NLRP9: variants seen among roughly 807,000 people sequenced by gnomAD.
The protein encoded by NLRP9 is NACHT, LRR and PYD domains-containing protein 9.
A neutral mutation model predicts 83.1 loss-of-function variants in NLRP9; 88 were observed. That is an observed-to-expected ratio of 1.06 (90% confidence interval 0.89 to 1.26). The LOEUF (loss-of-function observed/expected upper bound fraction) is 1.26. Ranked by LOEUF, NLRP9 falls within the 50% of genes most tolerant of loss-of-function variation. NLRP9 has a pLI of 0.00. For synonymous variants in NLRP9, 521 were observed against 447.6 expected (o/e 1.16, Z -2.07); for missense variants, 1,308 against 1,179.3 (o/e 1.11, Z -1.60).
chr19:55,718,667 A>T (rs568004176), intron 4 of NLRP9, among the ~76,000 whole-genome samples: 43 of 152,350 alleles, frequency 2.8e-4, no homozygotes, highest in South Asian at 6.2e-4. Flanking sequence ...CCTGTTGCCC[A>T]GCCACATTCC....
At chr19:55,711,680 C>G (rs753348893) in intron 8 of NLRP9, 120 bp downstream of exon 8, 1 of 990,040 alleles carries the variant, frequency 1.0e-6, no homozygotes, top group Non-Finnish European at 1.5e-6. Context: ...GGCCCAAGGA[C>G]AGGCCCCCAC....
At chr19:55,737,835 T>C (rs1341803604) in intron 1 of NLRP9, among the ~76,000 whole-genome samples, 1 of 149,232 alleles carries the variant, frequency 6.7e-6, no homozygotes, top group African/African-American at 2.5e-5. Context: ...ACTCATCTCC[T>C]ATAACAACGA....
intron 8 of NLRP9, chr19:55,709,735 G>T (rs984055991): frequency 6.6e-6 from 1 of 152,044 alleles, no homozygotes; most frequent in East Asian, 1.9e-4. Flanking sequence ...TACTGGACAC[G>T]ACTTCCTCCT....
At chr19:55,731,248 A>G (rs1988559325) in intron 2 of NLRP9, among the ~76,000 whole-genome samples, 1 of 152,134 alleles carries the variant, frequency 6.6e-6, no homozygotes, top group Non-Finnish European at 1.5e-5. Context: ...GAAAAAATGC[A>G]GAGGAAACAA....
At chr19:55,734,351 G>C (rs138275069) in intron 1 of NLRP9, among the ~76,000 whole-genome samples, 1 of 98,472 alleles carries the variant, frequency 1.0e-5, no homozygotes, top group African/African-American at 4.2e-5. Context: ...GCAACAGCCT[G>C]ACACTCTATC....
chr19:55,710,264 C>G (rs1987656391), intron 8 of NLRP9, among the ~76,000 whole-genome samples: 1 of 152,084 alleles, frequency 6.6e-6, no homozygotes, highest in Non-Finnish European at 1.5e-5. Flanking sequence ...TGGCCTGTCC[C>G]TATGGGGACT....
rs1278071446 is a variant in NLRP9 at position 55,711,741 on chromosome 19, G to A, written c.2843+59C>T. The stretch of plus-strand genomic sequence containing the variant: ...CCATCATGTCGCGGTTGAGCAAATG[G>A]CCAATGAACTAAGCTCGTTCTGAAG... On this transcript the variant is annotated intron_variant, in intron 8 of 8. Coordinates refer to ENST00000332836, the MANE Select transcript of NLRP9 (RefSeq NM_176820.4). 7 of 1,536,688 alleles carry A rather than the reference G, an allele frequency of 4.6e-6. 1 individual carries two copies. The Middle Eastern group carries it at 5.1e-4, about 113-fold the overall frequency.
Position 55,712,565 on chromosome 19 carries a change from CG to C in NLRP9, c.2526del (p.Asp843IlefsTer16), listed in dbSNP as rs1987780472. ...ELWLMGCFLTSDSCKDIAAVL... is the reference protein window; with the variant it reads ...ELWLMGCFLTXDSCKDIAAVL... ...ACAGCAGCAATGTCCTTACAGGAAT[CG>C]GAAGTAAGGAAACAGCCCATCAACC... On this transcript the variant is annotated frameshift_variant, in exon 7 of 9. Transcript: ENST00000332836. LOFTEE classifies it high-confidence loss of function. 1.2e-6 allele frequency: 2 copies of C among 1,612,124 alleles called. No individual in the cohort carries two copies. Among genetic ancestry groups the C allele is most frequent in the South Asian group, 1.1e-5 (1 of 91,038 alleles).
Position 55,716,868 on chromosome 19 carries a change from A to G in NLRP9, c.2190T>C (p.Val730=). 1 of 1,613,810 alleles carries G rather than the reference A, an allele frequency of 6.2e-7. No individual in the cohort carries two copies. The highest frequency in any genetic ancestry group is 1.1e-5 in the South Asian group (1 of 91,078). The change falls in exon 5 of 9, where the codon GTT becomes GTC. Residue 730 remains valine, a synonymous_variant. Coordinates refer to ENST00000332836, the MANE Select transcript of NLRP9 (RefSeq NM_176820.4). ...ILGKCDISSE[V]CEDIASVLAC... Reference sequence around the variant, plus strand: ...CCAGGACGGAGGCGATGTCTTCACAAACTTCACTGGAGATGTCACACTTTC... The same window carrying G: ...CCAGGACGGAGGCGATGTCTTCACAGACTTCACTGGAGATGTCACACTTTC...
Position 55,711,881 on chromosome 19 carries a change from T to G in NLRP9, c.2762A>C (p.Asp921Ala). The change falls in exon 8 of 9, where the codon GAC (aspartate) becomes GCC (alanine). Residue 921 changes from aspartate to alanine, a missense_variant. By Grantham distance (126) the Asp-to-Ala change is moderately radical. Coordinates refer to ENST00000332836, the MANE Select transcript of NLRP9 (RefSeq NM_176820.4). ...ACKTLRSLNLDWIALDADAVV... is the reference protein window; with the variant it reads ...ACKTLRSLNLAWIALDADAVV... Reference sequence around the variant, plus strand: ...TGCATCAGCATCCAAGGCAATCCAGTCGAGGTTCAGGCTCCTCAGTGTTTT... The same window carrying G: ...TGCATCAGCATCCAAGGCAATCCAGGCGAGGTTCAGGCTCCTCAGTGTTTT... 1 of 1,613,350 alleles carries G rather than the reference T, an allele frequency of 6.2e-7. No homozygotes were observed. Among genetic ancestry groups the G allele is most frequent in the Non-Finnish European group, 8.5e-7 (1 of 1,179,952 alleles).
At chr19:55,716,636 C>T (rs1988024295) in intron 5 of NLRP9, 92 bp downstream of exon 5, 2 of 1,027,466 alleles carry the variant, frequency 1.9e-6, no homozygotes, top group South Asian at 1.4e-5. Flanking sequence ...TTCTGCTGCA[C>T]CCCTCAGTGA....
rs192009628 is a variant in NLRP9 at position 55,730,825 on chromosome 19, G to C, written c.1833-833C>G. The stretch of plus-strand genomic sequence containing the variant: ...TAGTGGATATCGGGCTTGATACCTG[G>C]GTGATGGGATGCTCTGCCCAGCAAA... On this transcript the variant is annotated intron_variant, in intron 2 of 8. Transcript: ENST00000332836. Among the ~76,000 whole-genome samples, 388 of 152,128 alleles carry C rather than the reference G, an allele frequency of 2.6e-3. 1 individual carries two copies. Among genetic ancestry groups the C allele is most frequent in the African/African-American group, 8.7e-3 (361 of 41,508 alleles).
intron 7 of NLRP9, 100 bp from the exon 8 acceptor site, chr19:55,712,070 T>G (rs1987754817): frequency 3.3e-6 from 4 of 1,214,592 alleles, no homozygotes; most frequent in Middle Eastern, 1.9e-4. Context: ...GGCAGGACGC[T>G]CTGCTGTCTA....
chr19:55,711,817 A>T lies in NLRP9; in HGVS notation c.2826T>A (p.Cys942Ter). 6.2e-7 allele frequency: 1 copy of T among 1,613,268 alleles called. No individual in the cohort carries two copies. The highest frequency in any genetic ancestry group is 8.5e-7 in the Non-Finnish European group (1 of 1,179,916). ...CCACTCACCCCAGCATCTGCAGGGC[A>T]CAGTCCGGGTGGCTCAATGCCTCAC... ...VLCEALSHPD[C>*]ALQMLGLHKS... is the part of the protein sequence containing the mutation. Residue 942 changes from cysteine (C) to a stop codon, truncating the protein, a stop_gained, in exon 8 of 9, where the codon TGT (cysteine) becomes TGA (stop). Transcript: ENST00000332836. LOFTEE classifies it low-confidence loss of function (END_TRUNC).
At chr19:55,709,078 T>A (rs2287831) in intron 8 of NLRP9, 34 bp from the exon 9 acceptor site, 1 of 1,524,618 alleles carries the variant, frequency 6.6e-7, no homozygotes, top group Admixed American at 2.4e-5. Context: ...TTTTTTTTGT[T>A]TTTCATTTTT....
chr19:55,735,187 C>A (rs1419861505), intron 1 of NLRP9, among the ~76,000 whole-genome samples: 1 of 152,260 alleles, frequency 6.6e-6, no homozygotes, highest in Non-Finnish European at 1.5e-5. Flanking sequence ...ACAGCATCCA[C>A]TTTATTCTCC....
chr19:55,730,759 G>T (rs2122327313), intron 2 of NLRP9, among the ~76,000 whole-genome samples: 1 of 152,284 alleles, frequency 6.6e-6, no homozygotes, highest in East Asian at 1.9e-4. Flanking sequence ...GCCTGTTGGA[G>T]TGTGGGGCTT....
At chr19:55,731,166 T>A (rs971759296) in intron 2 of NLRP9, among the ~76,000 whole-genome samples, 1 of 152,000 alleles carries the variant, frequency 6.6e-6, no homozygotes, top group Non-Finnish European at 1.5e-5. Context: ...ATCTGAGAGC[T>A]AACGTATGAG....
chr19:55,715,576 C>T (rs955687768), intron 5 of NLRP9, among the ~76,000 whole-genome samples: 6 of 152,104 alleles, frequency 3.9e-5, no homozygotes, highest in Admixed American at 3.3e-4. Context: ...CCCAGCTACT[C>T]GGGAGGCTGA....
Sources: gnomAD v4.1 joint callset for allele counts (sites outside exome capture counted in the v4.1 genomes callset) on GRCh38, gnomAD v4.1.1 for gene constraint, MANE v1.5 for transcripts, NCBI Gene and HGNC (gene_info 2026-07-23, HGNC 2026-07-21) for gene names.